The following ABLIM1 variants were observed in gnomAD, a reference collection of about 807,000 sequenced individuals.
The protein encoded by ABLIM1 is actin-binding LIM protein 1.
Under a neutral mutation model 107.0 loss-of-function variants are expected in ABLIM1, and 40 were observed. The observed-to-expected ratio is 0.37, with a 90% CI of 0.29 to 0.49. The LOEUF (loss-of-function observed/expected upper bound fraction) is 0.49, where lower values mean the gene tolerates loss of function less well. Ranked by LOEUF, ABLIM1 falls within the 20% of genes least tolerant of loss-of-function variation. The probability of loss-of-function intolerance (pLI) is 0.97; values close to 1 mark genes in which losing one functional copy is unlikely to be tolerated. For missense variants in ABLIM1, 857 were observed against 1,008.5 expected, an observed-to-expected ratio of 0.85 and a Z score of 2.04; for synonymous variants, 357 against 357.3, an observed-to-expected ratio of 1.00 and a Z score of 0.01.
chr10:114,672,102 C>T (rs2080281472), intron 1 of ABLIM1, among the ~76,000 whole-genome samples: 1 of 152,068 alleles, frequency 6.6e-6, no homozygotes, highest in South Asian at 2.1e-4. Context: ...GTCTTGAACT[C>T]CTGGCCTCAA....
At chr10:114,499,359 T>C (rs758256536) in intron 6 of ABLIM1, among the ~76,000 whole-genome samples, 3 of 152,234 alleles carry the variant, frequency 2.0e-5, no homozygotes, top group Non-Finnish European at 4.4e-5. Context: ...TGTTTCTTGT[T>C]TTATCTTAAA....
chr10:114,592,379 C>G (rs2074981696), intron 2 of ABLIM1, among the ~76,000 whole-genome samples: 1 of 152,044 alleles, frequency 6.6e-6, no homozygotes, highest in South Asian at 2.1e-4. Flanking sequence ...TCAGGAAGGA[C>G]AGCAGAATTC....
chr10:114,545,154 C>T (rs557693413), intron 5 of ABLIM1, 56 bp from the exon 6 acceptor site: 8 of 1,472,642 alleles, frequency 5.4e-6, no homozygotes, highest in Middle Eastern at 1.8e-4. Context: ...CTGGAGAAGA[C>T]ACCAAAACCA....
intron 19 of ABLIM1, 98 bp downstream of exon 19, chr10:114,440,919 T>C (rs1015244169): frequency 9.3e-6 from 11 of 1,186,462 alleles, no homozygotes; most frequent in East Asian, 2.4e-5. Flanking sequence ...ACTCTAAGGA[T>C]ACAATACAGC....
At chr10:114,769,174 A>ATT (rs2082974688), upstream of ABLIM1, among the ~76,000 whole-genome samples, 1 of 30,036 alleles carries the variant, frequency 3.3e-5, no homozygotes, top group Non-Finnish European at 8.4e-5. Flanking sequence ...TCTTCAATGA[A>ATT]AAAAAAAAAA....
intron 10 of ABLIM1, among the ~76,000 whole-genome samples, chr10:114,472,725 C>G (rs1341747398): frequency 6.6e-6 from 1 of 151,912 alleles, no homozygotes; most frequent in East Asian, 1.9e-4. Flanking sequence ...CCCTCCCCAC[C>G]TCCCGACAGC....
chr10:114,436,276 T>C lies in ABLIM1; in HGVS notation c.2321A>G (p.Lys774Arg). 1 of 1,613,924 alleles carries C rather than the reference T, an allele frequency of 6.2e-7. No homozygotes were observed. The highest frequency in any genetic ancestry group is 8.5e-7 in the Non-Finnish European group (1 of 1,179,854). Reference sequence around the variant, plus strand: ...GAGTGGGACTTAGAAGAGTTTTGCTTTTTTCTTCATGTCGTTGCGTCTCCA... The same window carrying C: ...GAGTGGGACTTAGAAGAGTTTTGCTCTTTTCTTCATGTCGTTGCGTCTCCA... ...PLWRRNDMKK[K>R]AKLF The change falls in exon 23 of 23, where the codon AAA becomes AGA. Residue 774 changes from lysine to arginine, a missense_variant. Physicochemically the swap from Lys to Arg is conservative, Grantham distance 26 (BLOSUM62 2). Transcript: ENST00000533213.
intron 18 of ABLIM1, among the ~76,000 whole-genome samples, chr10:114,441,316 A>G (rs1391836556): frequency 2.6e-5 from 4 of 152,158 alleles, no homozygotes; most frequent in Non-Finnish European, 4.4e-5. Flanking sequence ...GATAAATAAA[A>G]ATGCATTGTC....
At chr10:114,725,002 C>T (rs553014697) in intron 1 of ABLIM1, among the ~76,000 whole-genome samples, 1 of 152,286 alleles carries the variant, frequency 6.6e-6, no homozygotes, top group African/African-American at 2.4e-5. Context: ...TGATGTTTCT[C>T]TTTTCTCTTT....
chr10:114,661,037 A>T (rs776228136), upstream of ABLIM1, among the ~76,000 whole-genome samples: 1 of 149,378 alleles, frequency 6.7e-6, no homozygotes, highest in African/African-American at 2.4e-5. Flanking sequence ...ACACTCCTAA[A>T]TTTTTTTTTT....
Position 114,435,562 on chromosome 10 carries a change from T to G in ABLIM1, c.*698A>C, listed in dbSNP as rs2059290695. On this transcript the variant is annotated 3_prime_UTR_variant, in exon 23 of 23. Coordinates refer to ENST00000533213, the MANE Select transcript of ABLIM1 (RefSeq NM_002313.7). ...TTAAGGGAAGGTTTCCTTTCATTCCTGTTCCTTCTCTTTTGCTTTTGAACA... is the reference window on the plus strand; with the variant it reads ...TTAAGGGAAGGTTTCCTTTCATTCCGGTTCCTTCTCTTTTGCTTTTGAACA... 1 of 152,264 alleles carries G rather than the reference T, an allele frequency of 6.6e-6. No individual in the cohort carries two copies. The highest frequency in any genetic ancestry group is 2.4e-5 in the African/African-American group (1 of 41,460). 9.4% of individuals were successfully genotyped at this position (152,264 alleles called of 1,614,324 possible).
intron 12 of ABLIM1, among the ~76,000 whole-genome samples, chr10:114,461,557 G>A (rs1050030160): frequency 2.6e-5 from 4 of 151,972 alleles, no homozygotes; most frequent in East Asian, 1.9e-4. Flanking sequence ...GATAGCTCAC[G>A]CCTGTAATCC....
At chr10:114,621,555 A>G (rs2077465034) in intron 1 of ABLIM1, among the ~76,000 whole-genome samples, 1 of 152,238 alleles carries the variant, frequency 6.6e-6, no homozygotes, top group South Asian at 2.1e-4. Flanking sequence ...AGAAACCTAC[A>G]GAACTCCTCA....
At chr10:114,750,793 A>G (rs955696941) in intron 1 of ABLIM1, among the ~76,000 whole-genome samples, 8 of 152,252 alleles carry the variant, frequency 5.3e-5, no homozygotes, top group African/African-American at 1.9e-4. Context: ...CAAAATATTC[A>G]TAAAGAACAT....
chr10:114,491,969 G>T, intron 6 of ABLIM1, 91 bp from the exon 7 acceptor site: 1 of 1,095,860 alleles, frequency 9.1e-7, no homozygotes. Context: ...AGAAAAGAGA[G>T]GATGCTGAAA....
intron 6 of ABLIM1, among the ~76,000 whole-genome samples, chr10:114,541,482 G>A (rs977632354): frequency 2.6e-5 from 4 of 151,862 alleles, no homozygotes; most frequent in African/African-American, 7.3e-5. Context: ...ATGAGAGGCC[G>A]AGGGAGGAGT....
chr10:114,517,340 A>G (rs981323193), intron 6 of ABLIM1, among the ~76,000 whole-genome samples: 6 of 152,154 alleles, frequency 3.9e-5, no homozygotes, highest in African/African-American at 1.2e-4. Flanking sequence ...CATGAAGATG[A>G]AGGCAGAGAC....
chr10:114,694,013 T>C (rs1448446283), intron 1 of ABLIM1, among the ~76,000 whole-genome samples: 2 of 152,136 alleles, frequency 1.3e-5, no homozygotes, highest in East Asian at 1.9e-4. Context: ...GGCAGAATAG[T>C]AGCAAAAGCC....
intron 1 of ABLIM1, among the ~76,000 whole-genome samples, chr10:114,759,138 G>A (rs949254418): frequency 8.6e-5 from 13 of 152,044 alleles, no homozygotes; most frequent in African/African-American, 3.1e-4. Context: ...TAATACAAAG[G>A]CTTTTATAGG....
Sources: allele counts gnomAD v4.1 joint callset (sites outside exome capture counted in the v4.1 genomes callset), GRCh38; gene constraint gnomAD v4.1.1; transcripts MANE v1.5; gene names NCBI Gene and HGNC (gene_info 2026-07-23, HGNC 2026-07-21).